NBEAL1: variants seen among roughly 807,000 people sequenced by gnomAD.
The protein encoded by NBEAL1 is neurobeachin-like protein 1.
A neutral mutation model predicts 351.3 loss-of-function variants in NBEAL1; 273 were observed. The observed-to-expected ratio is 0.78, with a 90% CI of 0.70 to 0.86. NBEAL1 has a LOEUF of 0.86. Ranked by LOEUF, NBEAL1 falls within the 40% of genes least tolerant of loss-of-function variation. The pLI, the probability that NBEAL1 is intolerant of heterozygous loss-of-function variation, is 0.00. For synonymous variants in NBEAL1, 1,050 were observed against 1,086.4 expected, an observed-to-expected ratio of 0.97 and a Z score of 0.66; for missense variants, 2,961 against 3,201.3, an observed-to-expected ratio of 0.92 and a Z score of 1.81.
intron 35 of NBEAL1, among the ~76,000 whole-genome samples, chr2:203,152,814 TC>T (rs1351199117): frequency 6.6e-6 from 1 of 151,168 alleles, no homozygotes; most frequent in African/African-American, 2.4e-5. Flanking sequence ...CGGCAGCAGA[TC>T]ACCTGAGGTC....
intron 8 of NBEAL1, among the ~76,000 whole-genome samples, chr2:203,079,721 TTTTA>T (rs1434720842): frequency 6.6e-6 from 1 of 152,156 alleles, no homozygotes; most frequent in Admixed American, 6.5e-5. Context: ...CTTAAGTAAA[TTTTA>T]TTTAAAGATA....
chr2:203,103,605 C>T (rs1370064981), intron 12 of NBEAL1, among the ~76,000 whole-genome samples: 3 of 151,820 alleles, frequency 2.0e-5, no homozygotes, highest in Non-Finnish European at 4.4e-5. Flanking sequence ...TCTCAATTTC[C>T]TTCAGTTCAG....
intron 35 of NBEAL1, among the ~76,000 whole-genome samples, chr2:203,152,337 C>G (rs1343380684): frequency 6.8e-6 from 1 of 147,524 alleles, no homozygotes; most frequent in African/African-American, 2.5e-5. Context: ...TTAGATTGGC[C>G]AATGCCTTTT....
intron 42 of NBEAL1, 58 bp downstream of exon 42, chr2:203,175,345 T>G (rs770415315): frequency 2.3e-5 from 35 of 1,554,976 alleles, no homozygotes; most frequent in Non-Finnish European, 2.8e-5. Flanking sequence ...GAAAACTGTT[T>G]GCCTTCATGT....
intron 53 of NBEAL1, 29 bp downstream of exon 53, chr2:203,209,351 G>T: frequency 6.4e-7 from 1 of 1,552,154 alleles, no homozygotes; most frequent in South Asian, 1.2e-5. Flanking sequence ...AATAGAGGTA[G>T]ACTCCCAATA....
rs2060678638 is a variant in NBEAL1 at position 203,016,241 on chromosome 2, T to TC, written c.-142dup. The TC allele has an allele frequency of 2.2e-6, 1 of 462,262 alleles. No individual in the cohort carries two copies. The highest frequency in any genetic ancestry group is 3.8e-5 in the Admixed American group (1 of 26,022). The allele number at this position is 462,262 out of a possible 1,614,324, so 28.6% of individuals were successfully genotyped here. A position where few individuals can be genotyped will look rare whatever the true frequency, so the allele number is the denominator to read the frequency against. On this transcript the variant is annotated 5_prime_UTR_variant, in exon 2 of 56. Transcript: ENST00000683969. ...CTTTTTGTTTTTAACCAGAGGACAG[T>TC]CCATTTGTTTCACTTCTTTTTGCTT...
chr2:203,079,429 A>G (rs1375585496), intron 8 of NBEAL1, among the ~76,000 whole-genome samples: 2 of 152,198 alleles, frequency 1.3e-5, no homozygotes, highest in African/African-American at 4.8e-5. Flanking sequence ...TGTTGCTTAC[A>G]TTTAAACTTG....
In NBEAL1 at chr2:203,222,913, A is replaced by T. The variant is rs540423864; in HGVS notation, c.*5559A>T. Among the ~76,000 whole-genome samples the T allele has an allele frequency of 1.3e-5, 2 of 152,322 alleles. No homozygotes were observed. The highest frequency in any genetic ancestry group is 3.9e-4 in the East Asian group (2 of 5,190). Reference sequence around the variant, plus strand: ...TAGGTATAACAGAGAAGAACGCATTAACATTTAAGATGTTTAATTCCAAAT... The same window carrying T: ...TAGGTATAACAGAGAAGAACGCATTTACATTTAAGATGTTTAATTCCAAAT... On this transcript the variant is annotated 3_prime_UTR_variant, in exon 56 of 56. Coordinates refer to ENST00000683969, the MANE Select transcript of NBEAL1 (RefSeq NM_001378026.1).
intron 34 of NBEAL1, among the ~76,000 whole-genome samples, chr2:203,150,605 T>G (rs1027829333): frequency 2.6e-5 from 4 of 152,222 alleles, no homozygotes; most frequent in South Asian, 2.1e-4. Flanking sequence ...TCTGTTTTTT[T>G]GGGTTTTTTT....
chr2:203,016,400 A>G lies in NBEAL1; in HGVS notation c.16A>G (p.Arg6Gly). 2 of 1,493,866 alleles carry G rather than the reference A, an allele frequency of 1.3e-6. No individual in the cohort carries two copies. Among genetic ancestry groups the G allele is most frequent in the African/African-American group, 1.4e-5 (1 of 72,382 alleles). 92.5% of individuals were successfully genotyped at this position (1,493,866 alleles called of 1,614,324 possible). Residue 6 changes from arginine to glycine, a missense_variant, in exon 2 of 56, where the codon AGG becomes GGG. Coordinates refer to ENST00000683969, the MANE Select transcript of NBEAL1 (RefSeq NM_001378026.1). MASRERLFELWMLYCT... is the reference protein window; with the variant it reads MASREGLFELWMLYCT... ...GAAAGCCAGAATGGCATCCAGAGAGAGGCTCTTTGAACTTTGGATGCTTTA... is the reference window on the plus strand; with the variant it reads ...GAAAGCCAGAATGGCATCCAGAGAGGGGCTCTTTGAACTTTGGATGCTTTA...
chr2:203,200,471 C>T (rs1575121145), intron 49 of NBEAL1, among the ~76,000 whole-genome samples: 1 of 152,042 alleles, frequency 6.6e-6, no homozygotes, highest in Non-Finnish European at 1.5e-5. Context: ...CGAGATAACG[C>T]CACTGCACTC....
chr2:203,212,646 A>G (rs1031580577), intron 54 of NBEAL1, among the ~76,000 whole-genome samples: 23 of 151,792 alleles, frequency 1.5e-4, no homozygotes, highest in African/African-American at 7.3e-5. Context: ...AAATATCAAT[A>G]TTTGTGTACT....
chr2:203,169,461 G>C (rs957803043), intron 38 of NBEAL1, among the ~76,000 whole-genome samples: 1 of 150,616 alleles, frequency 6.6e-6, no homozygotes, highest in Non-Finnish European at 1.5e-5. Context: ...AGCACTTTGA[G>C]AGCTTGAGGT....
chr2:203,115,231 G>A (rs189248904), intron 17 of NBEAL1, among the ~76,000 whole-genome samples: 101 of 151,226 alleles, frequency 6.7e-4, no homozygotes, highest in African/African-American at 2.4e-3. Flanking sequence ...GGGTTCAAGC[G>A]ATTCTCCACC....
At chr2:203,209,893 C>T (rs527847248) in intron 53 of NBEAL1, among the ~76,000 whole-genome samples, 4 of 152,194 alleles carry the variant, frequency 2.6e-5, no homozygotes, top group African/African-American at 7.2e-5. Flanking sequence ...GGACTACTGG[C>T]ATGTGCCACC....
intron 3 of NBEAL1, among the ~76,000 whole-genome samples, chr2:203,049,566 C>G (rs2061290195): frequency 6.6e-6 from 1 of 152,142 alleles, no homozygotes; most frequent in African/African-American, 2.4e-5. Context: ...TAAGCCTCTT[C>G]TGAAATAAGA....
At chr2:203,156,813 T>G (rs1051185638) in intron 35 of NBEAL1, among the ~76,000 whole-genome samples, 3 of 152,254 alleles carry the variant, frequency 2.0e-5, no homozygotes, top group Admixed American at 6.5e-5. Context: ...TGAATTATTT[T>G]TGCCATAAAT....
At chr2:203,162,602 G>T (rs755268994) in intron 36 of NBEAL1, among the ~76,000 whole-genome samples, 1 of 151,912 alleles carries the variant, frequency 6.6e-6, no homozygotes, top group Non-Finnish European at 1.5e-5. Flanking sequence ...AAATTAACTT[G>T]GCATGGTGAT....
intron 29 of NBEAL1, 38 bp downstream of exon 29, chr2:203,136,812 G>T: frequency 6.4e-7 from 1 of 1,553,708 alleles, no homozygotes; most frequent in East Asian, 2.2e-5. Context: ...CCTCCTTTTG[G>T]TGACAGCAGG....
Sources: allele counts gnomAD v4.1 joint callset (sites outside exome capture counted in the v4.1 genomes callset), GRCh38; gene constraint gnomAD v4.1.1; transcripts MANE v1.5; gene names NCBI Gene and HGNC (gene_info 2026-07-23, HGNC 2026-07-21).